The following ADARB2 variants were observed in gnomAD, a reference collection of about 807,000 sequenced individuals.
The protein encoded by ADARB2 is inactive double-stranded RNA-specific editase B2.
A neutral mutation model predicts 62.2 loss-of-function variants in ADARB2; 25 were observed. That is an observed-to-expected ratio of 0.40 (90% CI 0.29 to 0.56). ADARB2 has a LOEUF of 0.56. Among genes scored for constraint, ADARB2 ranks in the 20% least tolerant of loss-of-function variants. The pLI is 0.43. For synonymous variants in ADARB2, 572 were observed against 500.8 expected, an observed-to-expected ratio of 1.14 and a Z score of -1.90; for missense variants, 1,071 against 1,077.4, an observed-to-expected ratio of 0.99 and a Z score of 0.08.
chr10:1,637,439 A>T (rs1833929834), intron 1 of ADARB2, among the ~76,000 whole-genome samples: 1 of 152,210 alleles, frequency 6.6e-6, no homozygotes, highest in African/African-American at 2.4e-5. Flanking sequence ...TATACTCTTG[A>T]AAAGCAAATA....
chr10:1,627,516 T>C (rs1434388098), intron 1 of ADARB2, among the ~76,000 whole-genome samples: 1 of 152,156 alleles, frequency 6.6e-6, no homozygotes, highest in Non-Finnish European at 1.5e-5. Context: ...GACCCCATAA[T>C]CAAAGTAGAA....
chr10:1,638,850 G>T (rs1446639687), intron 1 of ADARB2, among the ~76,000 whole-genome samples: 1 of 152,204 alleles, frequency 6.6e-6, no homozygotes, highest in Non-Finnish European at 1.5e-5. Context: ...TGCTTAAAAT[G>T]GTGTGTCGGG....
At chr10:1,489,247 C>G (rs370507342) in intron 1 of ADARB2, among the ~76,000 whole-genome samples, 2 of 151,654 alleles carry the variant, frequency 1.3e-5, no homozygotes, top group Non-Finnish European at 2.9e-5. Context: ...AAGGCGTGAC[C>G]GTGCCTCTCT....
At position 1,477,652 on chromosome 10, in the gene ADARB2, G is replaced by A. The variant is rs1470320266; in HGVS notation, c.101-98492C>T. Among the ~76,000 whole-genome samples the A allele has an allele frequency of 6.6e-6, 1 of 152,174 alleles. No individual in the cohort carries two copies. Among genetic ancestry groups the A allele is most frequent in the African/African-American group, 2.4e-5 (1 of 41,452 alleles). ...ATCCATACATAGATAAAAATATGGGGACCAACATGAAGCGTCAGCCTGTGC... is the reference window on the plus strand; with the variant it reads ...ATCCATACATAGATAAAAATATGGGAACCAACATGAAGCGTCAGCCTGTGC... On this transcript the variant is annotated intron_variant, in intron 1 of 9. Coordinates refer to ENST00000381312, the MANE Select transcript of ADARB2 (RefSeq NM_018702.4). This position sits in a 1 kb window ranked among gnomAD's most constrained non-coding sequence, Gnocchi z 4.5.
chr10:1,653,956 T>C (rs1471449436), intron 1 of ADARB2, among the ~76,000 whole-genome samples: 1 of 150,478 alleles, frequency 6.6e-6, no homozygotes, highest in African/African-American at 2.5e-5. Context: ...GGGAGGGGAG[T>C]AACAGAATGA....
At chr10:1,669,901 C>T (rs1834361726) in intron 1 of ADARB2, among the ~76,000 whole-genome samples, 1 of 152,008 alleles carries the variant, frequency 6.6e-6, no homozygotes, top group Non-Finnish European at 1.5e-5. Context: ...AAGACAAACA[C>T]AGACACACCC....
intron 1 of ADARB2, among the ~76,000 whole-genome samples, chr10:1,628,186 C>T (rs1333183050): frequency 6.6e-6 from 1 of 152,244 alleles, no homozygotes; most frequent in African/African-American, 2.4e-5. Context: ...CCTCCTCTGG[C>T]CTCCCTGGCA....
intron 7 of ADARB2, among the ~76,000 whole-genome samples, chr10:1,207,084 C>T (rs1303479560): frequency 1.3e-5 from 2 of 152,240 alleles, no homozygotes; most frequent in Admixed American, 6.5e-5. Context: ...CGGTGGCTCA[C>T]CCCTGTAATC....
chr10:1,561,197 A>C (rs1832780987), intron 1 of ADARB2, among the ~76,000 whole-genome samples: 1 of 152,206 alleles, frequency 6.6e-6, no homozygotes, highest in South Asian at 2.1e-4. Context: ...TTTCTTTGAA[A>C]TGTGTTGTGT....
Position 1,262,316 on chromosome 10 carries a change from T to A in ADARB2, c.1192+8639A>T, listed in dbSNP as rs997598495. Reference sequence around the variant, plus strand: ...ATAATAATAATAATAATAATAATAATAATAAAAGAAACCACCATCAGAGTG... The same window carrying A: ...ATAATAATAATAATAATAATAATAAAAATAAAAGAAACCACCATCAGAGTG... On this transcript the variant is annotated intron_variant, in intron 4 of 9. Transcript: ENST00000381312. Among the ~76,000 whole-genome samples, 708 of 137,862 alleles carry A rather than the reference T, an allele frequency of 5.1e-3. 11 individuals are homozygous for A. The highest frequency in any genetic ancestry group is 8.1e-3 in the Non-Finnish European group (536 of 65,944). The allele number at this position is 137,862 out of a possible 152,430, so 90.4% of individuals were successfully genotyped here.
At chr10:1,723,120 C>T (rs893866237) in intron 1 of ADARB2, among the ~76,000 whole-genome samples, 1 of 152,206 alleles carries the variant, frequency 6.6e-6, no homozygotes, top group African/African-American at 2.4e-5. Flanking sequence ...GAGCGCATGC[C>T]CCTTCTCAGA....
chr10:1,564,784 C>CTTTTTTT (rs59446234), intron 1 of ADARB2, among the ~76,000 whole-genome samples: 4 of 147,308 alleles, frequency 2.7e-5, no homozygotes, highest in Non-Finnish European at 6.0e-5. Flanking sequence ...CTTTTATTAC[C>CTTTTTTT]TTTTTTTTTT....
intron 1 of ADARB2, among the ~76,000 whole-genome samples, chr10:1,565,808 G>A (rs572555193): frequency 2.0e-5 from 3 of 152,204 alleles, no homozygotes; most frequent in African/African-American, 4.8e-5. Flanking sequence ...CTGGAAAGAA[G>A]GGACATTTCG....
chr10:1,717,576 CTTCT>C (rs1434036344), intron 1 of ADARB2, among the ~76,000 whole-genome samples: 4 of 125,048 alleles, frequency 3.2e-5, no homozygotes, highest in South Asian at 2.5e-4. Context: ...TCTTTCCTTC[CTTCT>C]TTCTTTCTTC....
intron 1 of ADARB2, among the ~76,000 whole-genome samples, chr10:1,726,353 A>C (rs1448073704): frequency 6.7e-6 from 1 of 148,666 alleles, no homozygotes; most frequent in Non-Finnish European, 1.5e-5. Context: ...ATGATTCCAA[A>C]GTTATCTAAT....
chr10:1,183,088 A>C lies in ADARB2; in HGVS notation c.*105T>G, dbSNP rs2131732570. 1 of 1,333,102 alleles carries C rather than the reference A, an allele frequency of 7.5e-7. No homozygotes were observed. Among genetic ancestry groups the C allele is most frequent in the East Asian group, 2.4e-5 (1 of 41,208 alleles). 82.6% of individuals were successfully genotyped at this position (1,333,102 alleles called of 1,614,324 possible). A position where few individuals can be genotyped will look rare whatever the true frequency, so the allele number is the denominator to read the frequency against. ...ACACTCGCGTGTTTCTGGGACACCA[A>C]AGTAAAACGAATGCAGGGAACCGGC... On this transcript the variant is annotated 3_prime_UTR_variant, in exon 10 of 10. Coordinates refer to ENST00000381312, the MANE Select transcript of ADARB2 (RefSeq NM_018702.4).
chr10:1,616,369 C>T lies in ADARB2; in HGVS notation c.100+120682G>A, dbSNP rs1049511584. 2.0e-5 allele frequency among the ~76,000 whole-genome samples: 3 copies of T among 152,096 alleles called. No individual in the cohort carries two copies. The East Asian group carries it at 5.8e-4, about 29-fold the overall frequency. On this transcript the variant is annotated intron_variant, in intron 1 of 9. Transcript: ENST00000381312. The stretch of plus-strand genomic sequence containing the variant: ...AGTAGTGCTAGATGTCTGTGTGCCC[C>T]TCCAGACACACTCTACCCTGAGCTG...
chr10:1,729,729 C>G (rs1043335984), intron 1 of ADARB2, among the ~76,000 whole-genome samples: 3 of 152,078 alleles, frequency 2.0e-5, no homozygotes, highest in Non-Finnish European at 2.9e-5. Flanking sequence ...CAGTAAGGAC[C>G]CTCTACTCGT....
chr10:1,692,759 T>G (rs1834689516), intron 1 of ADARB2, among the ~76,000 whole-genome samples: 1 of 152,132 alleles, frequency 6.6e-6, no homozygotes, highest in Admixed American at 6.6e-5. Context: ...ATGAATGCCA[T>G]GGATAACAAA....
Sources: gnomAD v4.1 joint callset for allele counts (sites outside exome capture counted in the v4.1 genomes callset) on GRCh38, gnomAD v4.1.1 for gene constraint, Gnocchi (gnomAD v3.1) non-coding constraint, MANE v1.5 for transcripts, NCBI Gene and HGNC (gene_info 2026-07-23, HGNC 2026-07-21) for gene names.